ZNF407: variants seen among roughly 807,000 people sequenced by gnomAD.
The protein encoded by ZNF407 is zinc finger protein 407.
A neutral mutation model predicts 131.2 loss-of-function variants in ZNF407; 17 were observed. The observed-to-expected ratio is 0.13, with a 90% CI of 0.09 to 0.19. The LOEUF (loss-of-function observed/expected upper bound fraction) is 0.19. Ranked by LOEUF, ZNF407 falls within the 10% of genes least tolerant of loss-of-function variation. ZNF407 has a pLI of 1.00. For synonymous variants in ZNF407, 1,156 were observed against 1,062.0 expected (o/e 1.09, Z -1.72); for missense variants, 2,681 against 2,830.6 (o/e 0.95, Z 1.20).
chr18:74,827,684 G>C (rs1970427696), intron 4 of ZNF407, among the ~76,000 whole-genome samples: 1 of 152,130 alleles, frequency 6.6e-6, no homozygotes, highest in Non-Finnish European at 1.5e-5. Context: ...ATGGCATTTA[G>C]AAACCAACAT....
chr18:74,769,149 GTCA>G (rs1969309146), intron 3 of ZNF407, among the ~76,000 whole-genome samples: 4 of 152,158 alleles, frequency 2.6e-5, no homozygotes, highest in African/African-American at 9.7e-5. Flanking sequence ...TCCTTATCCA[GTCA>G]TAGGGAAGGC....
intron 3 of ZNF407, among the ~76,000 whole-genome samples, chr18:74,699,921 T>C (rs1967452223): frequency 2.0e-5 from 3 of 152,202 alleles, no homozygotes; most frequent in Admixed American, 6.5e-5. Flanking sequence ...CATGTTTCTC[T>C]TAGTAAATTA....
chr18:75,039,043 G>A (rs1973342517), intron 8 of ZNF407, among the ~76,000 whole-genome samples: 1 of 152,210 alleles, frequency 6.6e-6, no homozygotes, highest in South Asian at 2.1e-4. Flanking sequence ...ATGTACTCTA[G>A]TGCTAATTAT....
intron 8 of ZNF407, among the ~76,000 whole-genome samples, chr18:75,020,101 G>A (rs1471068486): frequency 1.3e-5 from 2 of 152,066 alleles, no homozygotes; most frequent in Admixed American, 6.5e-5. Context: ...ATTTTACTTC[G>A]TAATAGCCCC....
At chr18:74,637,452 T>C (rs535341137) in intron 2 of ZNF407, among the ~76,000 whole-genome samples, 4 of 152,296 alleles carry the variant, frequency 2.6e-5, no homozygotes, top group South Asian at 2.1e-4. Flanking sequence ...ACCCTACTTA[T>C]ATAAGTTACA....
At position 74,896,981 on chromosome 18, in the gene ZNF407, G is replaced by T. The variant is rs965425112; in HGVS notation, c.5249+6943G>T. ...TCTCATCAGTTCTAATTTTTTATTT[G>T]GTTTTGTATTTTGTATAATGTTTTT... On this transcript the variant is annotated intron_variant, in intron 7 of 8. Transcript: ENST00000299687. 2.0e-4 allele frequency among the ~76,000 whole-genome samples: 30 copies of T among 151,762 alleles called. 1 individual carries two copies. Among genetic ancestry groups the T allele is most frequent in the African/African-American group, 7.3e-4 (30 of 41,362 alleles).
intron 3 of ZNF407, among the ~76,000 whole-genome samples, chr18:74,648,498 T>G (rs1342236179): frequency 6.6e-6 from 1 of 152,174 alleles, no homozygotes; most frequent in Non-Finnish European, 1.5e-5. Context: ...TTTTCTGGAC[T>G]GTGTGTAGGC....
At chr18:74,964,865 C>T (rs1052191831) in intron 8 of ZNF407, among the ~76,000 whole-genome samples, 1 of 152,120 alleles carries the variant, frequency 6.6e-6, no homozygotes, top group Non-Finnish European at 1.5e-5. Flanking sequence ...CCCTACCCTC[C>T]CTTTAGATGT....
intron 8 of ZNF407, among the ~76,000 whole-genome samples, chr18:74,988,133 A>T (rs751967459): frequency 6.6e-6 from 1 of 152,252 alleles, no homozygotes; most frequent in Non-Finnish European, 1.5e-5. Context: ...GCGTGTGGTC[A>T]GTTGATTTTC....
chr18:74,857,617 AC>A (rs1970877165), intron 4 of ZNF407, among the ~76,000 whole-genome samples: 1 of 152,204 alleles, frequency 6.6e-6, no homozygotes, highest in Admixed American at 6.5e-5. Flanking sequence ...TAAATATAAT[AC>A]TTCAGAAATT....
chr18:74,999,366 A>AAAAAAC (rs1972817760), intron 8 of ZNF407, among the ~76,000 whole-genome samples: 1 of 149,658 alleles, frequency 6.7e-6, no homozygotes, highest in Admixed American at 6.6e-5. Flanking sequence ...AAAAAAAAAA[A>AAAAAAC]AAAAAAAAAC....
chr18:74,640,876 G>T (rs1398335310), intron 2 of ZNF407, 132 bp from the exon 3 acceptor site: 2 of 650,220 alleles, frequency 3.1e-6, no homozygotes, highest in African/African-American at 3.7e-5. Flanking sequence ...ATAAATGAAT[G>T]CAAGTATTCC....
At position 74,679,508 on chromosome 18, in the gene ZNF407, G is replaced by A. The variant is rs116867620; in HGVS notation, c.4802+38386G>A. 5.5e-3 allele frequency among the ~76,000 whole-genome samples: 834 copies of A among 152,298 alleles called. 30 individuals carry two copies. In the East Asian group the frequency reaches 0.075, roughly 14 times the overall value. ...TTCAGTAAGTGCTTATTCATTGCATGCATTGAAAAATAATTGAAAGGTTTC... is the reference window on the plus strand; with the variant it reads ...TTCAGTAAGTGCTTATTCATTGCATACATTGAAAAATAATTGAAAGGTTTC... On this transcript the variant is annotated intron_variant, in intron 3 of 8. Transcript: ENST00000299687.
At chr18:75,015,070 G>A (rs1037717182) in intron 8 of ZNF407, among the ~76,000 whole-genome samples, 2 of 152,064 alleles carry the variant, frequency 1.3e-5, no homozygotes, top group Non-Finnish European at 2.9e-5. Context: ...CTAATTTGGG[G>A]AGACTACTAA....
intron 8 of ZNF407, among the ~76,000 whole-genome samples, chr18:75,013,513 A>G (rs535675407): frequency 2.0e-4 from 30 of 152,274 alleles, no homozygotes; most frequent in African/African-American, 7.2e-4. Context: ...TGGCTTGGTT[A>G]CCAGAGGAAA....
intron 4 of ZNF407, among the ~76,000 whole-genome samples, chr18:74,875,807 T>C (rs905869750): frequency 1.3e-5 from 2 of 152,172 alleles, no homozygotes; most frequent in African/African-American, 4.8e-5. Flanking sequence ...ATAAATAAAT[T>C]GGCAATTTTA....
At chr18:74,647,663 G>A (rs1985033885) in intron 3 of ZNF407, among the ~76,000 whole-genome samples, 1 of 152,142 alleles carries the variant, frequency 6.6e-6, no homozygotes, top group Non-Finnish European at 1.5e-5. Context: ...GGAGGTATGA[G>A]AAATGCAGAT....
At chr18:74,805,594 T>A (rs1372165273) in intron 4 of ZNF407, among the ~76,000 whole-genome samples, 1 of 152,230 alleles carries the variant, frequency 6.6e-6, no homozygotes, top group Non-Finnish European at 1.5e-5. Flanking sequence ...AGTAAAAATA[T>A]AAGAATGTTA....
intron 8 of ZNF407, among the ~76,000 whole-genome samples, chr18:74,948,298 G>A (rs1008582674): frequency 1.3e-5 from 2 of 152,042 alleles, no homozygotes; most frequent in Admixed American, 6.6e-5. Context: ...GTTATTTATT[G>A]TAACCTGCTG....
Sources: allele counts gnomAD v4.1 joint callset (sites outside exome capture counted in the v4.1 genomes callset), GRCh38; gene constraint gnomAD v4.1.1; transcripts MANE v1.5; gene names NCBI Gene and HGNC (gene_info 2026-07-23, HGNC 2026-07-21).